ACTN1: variants seen among roughly 807,000 people sequenced by gnomAD.
ACTN1 encodes alpha-actinin-1.
Under a neutral mutation model 119.6 loss-of-function variants are expected in ACTN1, and 30 were observed. That is an observed-to-expected ratio of 0.25 (90% CI 0.19 to 0.34). ACTN1 has a LOEUF of 0.34. ACTN1 is among the 10% of genes least tolerant of loss of function. The probability of loss-of-function intolerance (pLI) is 1.00; values close to 1 mark genes in which losing one functional copy is unlikely to be tolerated. For synonymous variants in ACTN1, 429 were observed against 472.6 expected (o/e 0.91, Z 1.20); for missense variants, 764 against 1,223.4 (o/e 0.62, Z 5.60).
At position 68,879,813 on chromosome 14, in the gene ACTN1, G is replaced by A. The variant is rs1231674792; in HGVS notation, c.2280+149C>T. The A allele has an allele frequency of 9.0e-7, 1 of 1,115,194 alleles. No individual in the cohort carries two copies. Among genetic ancestry groups the A allele is most frequent in the African/African-American group, 1.6e-5 (1 of 63,470 alleles). The allele number at this position is 1,115,194 out of a possible 1,614,324, so 69.1% of individuals were successfully genotyped here. A position where few individuals can be genotyped will look rare whatever the true frequency, so the allele number is the denominator to read the frequency against. ...AGGTTTTCCAAGGCTGGTTTTGCAG[G>A]GTGCATTGAGTCAGGGCAGGCTGAC... On this transcript the variant is annotated intron_variant, in intron 18 of 21. Coordinates refer to ENST00000394419, the MANE Select transcript of ACTN1 (RefSeq NM_001130004.2). The surrounding 1 kb of genome is among the most constrained non-coding windows in gnomAD (Gnocchi z 4.9).
chr14:68,979,211 G>A lies in ACTN1; in HGVS notation c.-155C>T. ...CGCCCGGTTCCGCCGCGGCGCTGCT[G>A]GCGAAGGCTGCTACTGGCGGCGACA... is the stretch of plus-strand genomic sequence containing the variant. On this transcript the variant is annotated 5_prime_UTR_variant, in exon 1 of 22. Coordinates refer to ENST00000394419, the MANE Select transcript of ACTN1 (RefSeq NM_001130004.2). The A allele has an allele frequency of 2.0e-6, 1 of 489,980 alleles. No individual in the cohort carries two copies. Among genetic ancestry groups the A allele is most frequent in the Non-Finnish European group, 3.5e-6 (1 of 286,110 alleles). The allele number at this position is 489,980 out of a possible 1,614,324, so 30.4% of individuals were successfully genotyped here.
At chr14:68,893,623 G>A in intron 9 of ACTN1, 32 bp downstream of exon 9, 13 of 1,604,370 alleles carry the variant, frequency 8.1e-6, no homozygotes, top group Non-Finnish European at 1.0e-5. Context: ...ACTCTTGCTA[G>A]AGTCAGGCCA....
At position 68,904,562 on chromosome 14, in the gene ACTN1, G is replaced by A. The variant is rs561768533; in HGVS notation, c.676+93C>T. The A allele has an allele frequency of 9.1e-5, 106 of 1,164,688 alleles. 1 individual carries two copies. In the South Asian group the frequency reaches 1.2e-3, roughly 13 times the overall value. The allele number at this position is 1,164,688 out of a possible 1,614,324, so 72.1% of individuals were successfully genotyped here. On this transcript the variant is annotated intron_variant, in intron 7 of 21. Coordinates refer to ENST00000394419, the MANE Select transcript of ACTN1 (RefSeq NM_001130004.2). ...GTCCCAGAAGACCAGGCCTCCTCCC[G>A]TCCAGCCCCGGACTGCTGGGGTCCA...
In ACTN1 at chr14:68,917,102, C is replaced by T. The variant is rs1156636768; in HGVS notation, c.340+3904G>A. On this transcript the variant is annotated intron_variant, in intron 3 of 21. Coordinates refer to ENST00000394419, the MANE Select transcript of ACTN1 (RefSeq NM_001130004.2). ...ATACAAAATCCTTTTTGAGTTCTCT[C>T]CCCTGGTTAACTACATTCCAACCAC... Among the ~76,000 whole-genome samples the T allele has an allele frequency of 2.6e-5, 4 of 152,212 alleles. No homozygotes were observed. In the South Asian group the frequency reaches 8.3e-4, roughly 32 times the overall value.
At chr14:68,883,824 A>G (rs1369833226) in intron 14 of ACTN1, among the ~76,000 whole-genome samples, 1 of 152,172 alleles carries the variant, frequency 6.6e-6, no homozygotes, top group Non-Finnish European at 1.5e-5. Flanking sequence ...TATGGTATAT[A>G]ATAAAAGGTA....
chr14:68,877,431 T>A (rs191297608), intron 20 of ACTN1, 191 bp from the exon 21 acceptor site: 29 of 597,572 alleles, frequency 4.9e-5, no homozygotes, highest in African/African-American at 3.3e-4. Context: ...CAGCTCAGGG[T>A]TCCCCACACC....
intron 1 of ACTN1, among the ~76,000 whole-genome samples, chr14:68,953,614 C>T (rs1330881295): frequency 1.3e-5 from 2 of 151,810 alleles, no homozygotes; most frequent in African/African-American, 4.8e-5. Context: ...CACGGTGGCT[C>T]ACGCCTGTAA....
At chr14:68,935,413 T>TTTTTA (rs2035449386) in intron 1 of ACTN1, among the ~76,000 whole-genome samples, 1 of 98,782 alleles carries the variant, frequency 1.0e-5, no homozygotes. Context: ...TTTTTTTTTT[T>TTTTTA]GAGAGGAGTC....
rs2034861350 is a variant in ACTN1 at position 68,925,281 on chromosome 14, C to T, written c.220+277G>A. On this transcript the variant is annotated intron_variant, in intron 2 of 21. Transcript: ENST00000394419. The surrounding 1 kb of genome is among the most constrained non-coding windows in gnomAD (Gnocchi z 4.3). ...AACATTCTTGGCCACAGAATCCTGGCACTGGGGAGGAGAAGGAACCTCAGT... is the reference window on the plus strand; with the variant it reads ...AACATTCTTGGCCACAGAATCCTGGTACTGGGGAGGAGAAGGAACCTCAGT... Among the ~76,000 whole-genome samples the T allele has an allele frequency of 1.3e-5, 2 of 149,752 alleles. No individual in the cohort carries two copies. The highest frequency in any genetic ancestry group is 3.0e-5 in the Non-Finnish European group (2 of 67,780).
At chr14:68,881,149 G>T in intron 16 of ACTN1, 160 bp from the exon 17 acceptor site, 2 of 632,842 alleles carry the variant, frequency 3.2e-6, no homozygotes, top group Non-Finnish European at 5.4e-6. Flanking sequence ...GACACTTTTA[G>T]CATGGGTGCT....
chr14:68,978,800 C>A (rs1378414914), intron 1 of ACTN1, 152 bp downstream of exon 1: 3 of 476,808 alleles, frequency 6.3e-6, no homozygotes, highest in African/African-American at 6.2e-5. Context: ...TGTAACCCAA[C>A]ACCCCACCTC....
At chr14:68,887,587 A>C in intron 11 of ACTN1, 1 of 1,398,072 alleles carries the variant, frequency 7.2e-7, no homozygotes, top group South Asian at 1.2e-5. Flanking sequence ...CCAAAAAATA[A>C]ACAATCAGCA....
At chr14:68,906,070 C>CGGG (rs145423638) in intron 6 of ACTN1, among the ~76,000 whole-genome samples, 11 of 150,308 alleles carry the variant, frequency 7.3e-5, no homozygotes, top group African/African-American at 1.5e-4. Flanking sequence ...AGCCAGAGGC[C>CGGG]GGGGGGGCAG....
At chr14:68,947,845 G>A (rs1260932674) in intron 1 of ACTN1, among the ~76,000 whole-genome samples, 1 of 152,228 alleles carries the variant, frequency 6.6e-6, no homozygotes, top group Non-Finnish European at 1.5e-5. Context: ...TGGGAGTTCT[G>A]AGCCACAATG....
intron 3 of ACTN1, among the ~76,000 whole-genome samples, chr14:68,916,479 G>C (rs2034300551): frequency 6.6e-6 from 1 of 152,212 alleles, no homozygotes; most frequent in Non-Finnish European, 1.5e-5. Context: ...CCAGAAAACA[G>C]AGGCGCCAAG....
At chr14:68,961,762 G>A (rs936187896) in intron 1 of ACTN1, among the ~76,000 whole-genome samples, 1 of 152,200 alleles carries the variant, frequency 6.6e-6, no homozygotes, top group African/African-American at 2.4e-5. Flanking sequence ...AGAAGGAGGA[G>A]GCAGGAGCCA....
chr14:68,933,194 T>C (rs1384888598), intron 1 of ACTN1, among the ~76,000 whole-genome samples: 1 of 152,100 alleles, frequency 6.6e-6, no homozygotes, highest in African/African-American at 2.4e-5. Flanking sequence ...AGTGCAGTGG[T>C]GCGATCTCGG....
In ACTN1 at chr14:68,879,873, T is replaced by C; in HGVS notation, c.2280+89A>G. 1 of 1,535,532 alleles carries C rather than the reference T, an allele frequency of 6.5e-7. No individual in the cohort carries two copies. The highest frequency in any genetic ancestry group is 8.8e-7 in the Non-Finnish European group (1 of 1,133,078). On this transcript the variant is annotated intron_variant, in intron 18 of 21. Coordinates refer to ENST00000394419, the MANE Select transcript of ACTN1 (RefSeq NM_001130004.2). The surrounding 1 kb of genome is among the most constrained non-coding windows in gnomAD (Gnocchi z 4.9). Reference sequence around the variant, plus strand: ...CCCTTTCTCTCCCTCCTCACTTGCATGGCAGCCCACGTCCCGGGGAAGTGC... The same window carrying C: ...CCCTTTCTCTCCCTCCTCACTTGCACGGCAGCCCACGTCCCGGGGAAGTGC...
intron 1 of ACTN1, among the ~76,000 whole-genome samples, chr14:68,962,717 AAC>A (rs1169650608): frequency 6.6e-6 from 1 of 152,232 alleles, no homozygotes; most frequent in African/African-American, 2.4e-5. Flanking sequence ...GGGTCAACCC[AAC>A]ACATCCCCTC....
Sources: gnomAD v4.1 joint callset for allele counts (sites outside exome capture counted in the v4.1 genomes callset) on GRCh38, gnomAD v4.1.1 for gene constraint, Gnocchi (gnomAD v3.1) non-coding constraint, MANE v1.5 for transcripts, NCBI Gene and HGNC (gene_info 2026-07-23, HGNC 2026-07-21) for gene names.